The following ERBB4 variants were observed in gnomAD, a reference collection of about 807,000 sequenced individuals.
ERBB4 encodes erb-b2 receptor tyrosine kinase 4, also known as receptor tyrosine-protein kinase erbB-4.
In ERBB4, 42 loss-of-function variants were observed where a neutral mutation model predicts 158.0. The ratio of observed to expected loss-of-function variants is 0.27; its 90% confidence interval spans 0.21 to 0.34. The LOEUF (loss-of-function observed/expected upper bound fraction) is 0.34. Ranked by LOEUF, ERBB4 falls within the 10% of genes least tolerant of loss-of-function variation. ERBB4 has a pLI of 1.00. For synonymous variants in ERBB4, 583 were observed against 558.7 expected (o/e 1.04, Z -0.61); for missense variants, 1,333 against 1,624.1 (o/e 0.82, Z 3.08).
intron 2 of ERBB4, among the ~76,000 whole-genome samples, chr2:212,103,208 G>T (rs1231058334): frequency 6.6e-6 from 1 of 151,964 alleles, no homozygotes; most frequent in Admixed American, 6.6e-5. Flanking sequence ...TGCTACTTTT[G>T]CTTGGGGCAT....
intron 16 of ERBB4, among the ~76,000 whole-genome samples, chr2:211,636,683 G>T (rs899487364): frequency 6.6e-6 from 1 of 151,756 alleles, no homozygotes; most frequent in African/African-American, 2.4e-5. Context: ...AGGAATTTAG[G>T]ATACCCAGAG....
intron 1 of ERBB4, among the ~76,000 whole-genome samples, chr2:212,375,343 A>G (rs201755134): frequency 1.3e-5 from 2 of 152,144 alleles, no homozygotes; most frequent in East Asian, 3.9e-4. Context: ...AGTTACATGT[A>G]TAACTAAATC....
chr2:212,461,065 C>G (rs943182077), intron 1 of ERBB4, among the ~76,000 whole-genome samples: 4 of 152,126 alleles, frequency 2.6e-5, no homozygotes, highest in Admixed American at 2.0e-4. Flanking sequence ...AAGTTTGCTG[C>G]AGGGGAAGGG....
chr2:212,277,803 A>G (rs1203945271), intron 1 of ERBB4, among the ~76,000 whole-genome samples: 2 of 151,786 alleles, frequency 1.3e-5, no homozygotes, highest in Non-Finnish European at 2.9e-5. Context: ...GGTGCTTAAT[A>G]CTTGCCAAGT....
rs150678554 is a variant in ERBB4, at chr2:212,505,897, G to C, written c.82+32552C>G. Among the ~76,000 whole-genome samples, 304 of 148,856 alleles carry C rather than the reference G, an allele frequency of 2.0e-3. 5 individuals are homozygous for C. The highest frequency in any genetic ancestry group is 7.2e-3 in the African/African-American group (298 of 41,338). ...GTATATAGGGTAAAATAAAATCCCA[G>C]ATCAAACATTTAGGCATATCTCATT... On this transcript the variant is annotated intron_variant, in intron 1 of 27. Coordinates refer to ENST00000342788, the MANE Select transcript of ERBB4 (RefSeq NM_005235.3).
intron 20 of ERBB4, among the ~76,000 whole-genome samples, chr2:211,437,061 T>C (rs891680656): frequency 1.3e-5 from 2 of 152,194 alleles, no homozygotes; most frequent in African/African-American, 2.4e-5. Context: ...AGGGGAGTTT[T>C]TGAAAGAAGT....
rs186759066 is a variant in ERBB4 at position 211,968,980 on chromosome 2, G to T, written c.235-21364C>A. ...AATGTACATTTTCTGAAAAATGAAAGAATTTAAGATTAAGTTTTACTTTTT... is the reference window on the plus strand; with the variant it reads ...AATGTACATTTTCTGAAAAATGAAATAATTTAAGATTAAGTTTTACTTTTT... On this transcript the variant is annotated intron_variant, in intron 2 of 27. Coordinates refer to ENST00000342788, the MANE Select transcript of ERBB4 (RefSeq NM_005235.3). Among the ~76,000 whole-genome samples the T allele has an allele frequency of 1.4e-4, 21 of 152,042 alleles. No homozygotes were observed. The East Asian group carries it at 2.9e-3, about 21-fold the overall frequency.
intron 7 of ERBB4, among the ~76,000 whole-genome samples, chr2:211,717,618 T>A (rs1045683134): frequency 1.3e-5 from 2 of 152,014 alleles, no homozygotes; most frequent in Non-Finnish European, 2.9e-5. Flanking sequence ...TTAACTGAGG[T>A]CAGGAGTTCA....
intron 4 of ERBB4, among the ~76,000 whole-genome samples, chr2:211,773,455 G>A (rs1020209394): frequency 2.0e-5 from 3 of 149,852 alleles, no homozygotes; most frequent in Non-Finnish European, 3.0e-5. Context: ...TGCAATGCAT[G>A]ATGAATACGA....
At chr2:212,351,025 A>T (rs1373167578) in intron 1 of ERBB4, among the ~76,000 whole-genome samples, 3 of 152,114 alleles carry the variant, frequency 2.0e-5, no homozygotes, top group Non-Finnish European at 4.4e-5. Context: ...ATCCCCCTCC[A>T]AATTCATGTA....
chr2:211,864,035 A>G (rs2078139179), intron 3 of ERBB4, among the ~76,000 whole-genome samples: 1 of 152,172 alleles, frequency 6.6e-6, no homozygotes, highest in African/African-American at 2.4e-5. Flanking sequence ...GGCAGTAGCA[A>G]GGGGCCAAGA....
At position 212,055,305 on chromosome 2, in the gene ERBB4, C is replaced by T. The variant is rs111936899; in HGVS notation, c.234+69447G>A. ...AGGTAAACAAAGCGGCCAGGAAGCTCGAACTGGGTGGAGCCCATGACAGCT... is the reference window on the plus strand; with the variant it reads ...AGGTAAACAAAGCGGCCAGGAAGCTTGAACTGGGTGGAGCCCATGACAGCT... On this transcript the variant is annotated intron_variant, in intron 2 of 27. Transcript: ENST00000342788. Among the ~76,000 whole-genome samples, 822 of 152,312 alleles carry T rather than the reference C, an allele frequency of 5.4e-3. 4 individuals carry two copies. Among genetic ancestry groups the T allele is most frequent in the African/African-American group, 6.8e-3 (281 of 41,580 alleles).
intron 3 of ERBB4, among the ~76,000 whole-genome samples, chr2:211,839,714 A>G (rs2077428781): frequency 6.6e-6 from 1 of 152,136 alleles, no homozygotes. Context: ...ACACTGGTGT[A>G]AATTAAAAAC....
At chr2:212,180,733 C>G (rs1270290502) in intron 1 of ERBB4, among the ~76,000 whole-genome samples, 1 of 151,736 alleles carries the variant, frequency 6.6e-6, no homozygotes, top group Non-Finnish European at 1.5e-5. Context: ...TAACAACACA[C>G]TTTTCATTTA....
intron 3 of ERBB4, among the ~76,000 whole-genome samples, chr2:211,798,673 G>T (rs2076433897): frequency 6.6e-6 from 1 of 152,078 alleles, no homozygotes; most frequent in African/African-American, 2.4e-5. Context: ...TACAGGTTTT[G>T]GGGGAGAAAT....
intron 2 of ERBB4, among the ~76,000 whole-genome samples, chr2:212,110,515 T>C (rs1455157724): frequency 2.0e-5 from 3 of 152,208 alleles, no homozygotes; most frequent in Admixed American, 1.3e-4. Context: ...CAGTCACTGC[T>C]GCTACCGCCT....
chr2:211,399,245 T>C lies in ERBB4; in HGVS notation c.3136-11253A>G, dbSNP rs2062983903. Among the ~76,000 whole-genome samples, 3 of 152,242 alleles carry C rather than the reference T, an allele frequency of 2.0e-5. No homozygotes were observed. The South Asian group carries it at 6.2e-4, about 31-fold the overall frequency. On this transcript the variant is annotated intron_variant, in intron 25 of 27. Coordinates refer to ENST00000342788, the MANE Select transcript of ERBB4 (RefSeq NM_005235.3). ...TCAGTGTGTCTTTTTTCTTAGACTA[T>C]GAGTCTGTTTAGAAATGGATTCACT...
At chr2:211,875,715 A>T (rs2078481021) in intron 3 of ERBB4, among the ~76,000 whole-genome samples, 1 of 152,160 alleles carries the variant, frequency 6.6e-6, no homozygotes, top group Non-Finnish European at 1.5e-5. Context: ...TCATTTACTC[A>T]TTTTCTTATC....
intron 1 of ERBB4, among the ~76,000 whole-genome samples, chr2:212,210,627 T>A (rs931414320): frequency 1.3e-5 from 2 of 152,148 alleles, no homozygotes. Flanking sequence ...TATTAATTAT[T>A]ACTGATTAGT....
Sources: allele counts gnomAD v4.1 joint callset (sites outside exome capture counted in the v4.1 genomes callset), GRCh38; gene constraint gnomAD v4.1.1; transcripts MANE v1.5; gene names NCBI Gene and HGNC (gene_info 2026-07-23, HGNC 2026-07-21).